CDH12: variants seen among roughly 807,000 people sequenced by gnomAD.
CDH12 encodes cadherin-12.
In CDH12, 41 loss-of-function variants were observed where a neutral mutation model predicts 74.1. That is an observed-to-expected ratio of 0.55 (90% CI 0.43 to 0.72). CDH12 has a LOEUF of 0.72. Ranked by LOEUF, CDH12 falls within the 30% of genes least tolerant of loss-of-function variation. CDH12 has a pLI of 0.00. For synonymous variants in CDH12, 399 were observed against 355.0 expected, an observed-to-expected ratio of 1.12 and a Z score of -1.39; for missense variants, 945 against 977.2, an observed-to-expected ratio of 0.97 and a Z score of 0.44.
intron 2 of CDH12, among the ~76,000 whole-genome samples, chr5:22,444,679 A>G (rs899581776): frequency 7.9e-5 from 12 of 152,168 alleles, no homozygotes; most frequent in Admixed American, 7.2e-4. Context: ...CATTTACTGC[A>G]GTTGCTGAAC....
intron 1 of CDH12, among the ~76,000 whole-genome samples, chr5:22,832,337 T>A (rs1477322760): frequency 6.6e-6 from 1 of 152,172 alleles, no homozygotes; most frequent in African/African-American, 2.4e-5. Flanking sequence ...AGCCAATATA[T>A]CTGTAAATAT....
At chr5:22,719,160 G>T (rs1743745487) in intron 1 of CDH12, among the ~76,000 whole-genome samples, 1 of 152,128 alleles carries the variant, frequency 6.6e-6, no homozygotes, top group African/African-American at 2.4e-5. Flanking sequence ...CTCAGCCTTT[G>T]CAGTTTGGCT....
At chr5:22,546,488 A>C (rs1738336138) in intron 1 of CDH12, among the ~76,000 whole-genome samples, 1 of 152,202 alleles carries the variant, frequency 6.6e-6, no homozygotes, top group African/African-American at 2.4e-5. Context: ...ATATCAGGTC[A>C]GTTTAATTTA....
chr5:22,107,523 A>G (rs1192898473), intron 4 of CDH12, among the ~76,000 whole-genome samples: 3 of 151,160 alleles, frequency 2.0e-5, no homozygotes, highest in Non-Finnish European at 2.9e-5. Context: ...GTATATATAC[A>G]TATAATAATC....
rs1018630175 is a variant in CDH12, at chr5:22,797,987, A to G, written c.-523+55071T>C. 3.8e-4 allele frequency among the ~76,000 whole-genome samples: 58 copies of G among 152,286 alleles called. No individual in the cohort carries two copies. The Middle Eastern group carries it at 0.01, about 27-fold the overall frequency. ...TGTTATTTCTTGTTGAACAGTGAAC[A>G]TTTTCTCACCAGCTTTGTTTTGTCA... On this transcript the variant is annotated intron_variant, in intron 1 of 14. Transcript: ENST00000382254.
chr5:22,404,765 G>A (rs1742867944), intron 3 of CDH12, among the ~76,000 whole-genome samples: 3 of 152,140 alleles, frequency 2.0e-5, no homozygotes, highest in South Asian at 4.1e-4. Flanking sequence ...GAATGCCAGC[G>A]TTTCTGTGTT....
At chr5:22,850,708 T>C (rs966600354) in intron 1 of CDH12, among the ~76,000 whole-genome samples, 1 of 151,976 alleles carries the variant, frequency 6.6e-6, no homozygotes, top group African/African-American at 2.4e-5. Context: ...AAATGAGACA[T>C]CTGTAATCAC....
intron 5 of CDH12, among the ~76,000 whole-genome samples, chr5:21,992,722 A>T (rs545729831): frequency 1.3e-5 from 2 of 152,148 alleles, no homozygotes; most frequent in East Asian, 3.8e-4. Context: ...TTATTAAGGT[A>T]AGTTACAGAC....
chr5:22,699,951 G>T (rs964664746), intron 1 of CDH12, among the ~76,000 whole-genome samples: 3 of 152,188 alleles, frequency 2.0e-5, no homozygotes, highest in African/African-American at 7.2e-5. Flanking sequence ...GAGGCAGGCA[G>T]ATTGTTTGAG....
At chr5:22,536,604 A>G (rs760127037) in intron 1 of CDH12, among the ~76,000 whole-genome samples, 2 of 152,200 alleles carry the variant, frequency 1.3e-5, no homozygotes, top group Non-Finnish European at 2.9e-5. Flanking sequence ...TTGGTAAAAT[A>G]TTGTTGTACT....
At chr5:22,820,354 G>A (rs1209495433) in intron 1 of CDH12, among the ~76,000 whole-genome samples, 1 of 152,002 alleles carries the variant, frequency 6.6e-6, no homozygotes, top group Non-Finnish European at 1.5e-5. Flanking sequence ...GGGAACCAGT[G>A]GGAGGTGATC....
At chr5:22,208,524 T>A (rs1395235455) in intron 4 of CDH12, among the ~76,000 whole-genome samples, 2 of 152,236 alleles carry the variant, frequency 1.3e-5, no homozygotes, top group African/African-American at 2.4e-5. Context: ...ACTGTCCTTT[T>A]TACGTTTCTC....
In CDH12 at chr5:22,713,391, T is replaced by C. The variant is rs144363955; in HGVS notation, c.-523+139667A>G. Among the ~76,000 whole-genome samples, 549 of 152,052 alleles carry C rather than the reference T, an allele frequency of 3.6e-3. 4 individuals are homozygous for C. The highest frequency in any genetic ancestry group is 0.013 in the African/African-American group (527 of 41,478). On this transcript the variant is annotated intron_variant, in intron 1 of 14. Coordinates refer to ENST00000382254, the MANE Select transcript of CDH12 (RefSeq NM_004061.5). ...CTCTTGACCTCATGATCTGCCCACC[T>C]TGGCCTCCGAAACTGCTGGGATTAC... is the stretch of plus-strand genomic sequence containing the variant.
At chr5:22,826,252 T>C (rs115757971) in intron 1 of CDH12, among the ~76,000 whole-genome samples, 1,888 of 152,278 alleles carry the variant, frequency 0.012, 46 homozygotes, top group African/African-American at 0.044. Context: ...CTGCACAAGC[T>C]CGTTCTTTGC....
intron 1 of CDH12, among the ~76,000 whole-genome samples, chr5:22,827,025 C>T (rs143759877): frequency 6.6e-6 from 1 of 152,164 alleles, no homozygotes; most frequent in Non-Finnish European, 1.5e-5. Flanking sequence ...ATGTAAGAGA[C>T]CTTTGCAGCA....
At chr5:22,234,343 C>T (rs1752488825) in intron 3 of CDH12, among the ~76,000 whole-genome samples, 1 of 152,102 alleles carries the variant, frequency 6.6e-6, no homozygotes, top group South Asian at 2.1e-4. Flanking sequence ...GTAATTGAAT[C>T]ATGGGGGCCA....
intron 5 of CDH12, among the ~76,000 whole-genome samples, chr5:22,040,994 T>C (rs1446331689): frequency 2.0e-5 from 3 of 151,982 alleles, no homozygotes; most frequent in Non-Finnish European, 4.4e-5. Flanking sequence ...CAGTCAAAAA[T>C]AGCAATAGCT....
chr5:21,961,342 C>T (rs2150110285), intron 6 of CDH12, among the ~76,000 whole-genome samples: 1 of 152,206 alleles, frequency 6.6e-6, no homozygotes, highest in Admixed American at 6.5e-5. Context: ...CCAGCTACAT[C>T]AGTTTTACTT....
chr5:22,191,506 A>C (rs1561205611), intron 4 of CDH12, among the ~76,000 whole-genome samples: 1 of 151,356 alleles, frequency 6.6e-6, no homozygotes, highest in Non-Finnish European at 1.5e-5. Context: ...AGGTTTCAGA[A>C]GTAATTACTC....
Sources: gnomAD v4.1 joint callset for allele counts (sites outside exome capture counted in the v4.1 genomes callset) on GRCh38, gnomAD v4.1.1 for gene constraint, MANE v1.5 for transcripts, NCBI Gene and HGNC (gene_info 2026-07-23, HGNC 2026-07-21) for gene names.